The following PLCB1 variants were observed in gnomAD, a reference collection of about 807,000 sequenced individuals.
The protein encoded by PLCB1 is phospholipase C beta 1.
A neutral mutation model predicts 161.8 loss-of-function variants in PLCB1; 46 were observed. The observed-to-expected ratio is 0.28, with a 90% CI of 0.22 to 0.36. PLCB1 has a LOEUF of 0.36. PLCB1 is among the 10% of genes least tolerant of loss of function. PLCB1 has a pLI of 1.00. For synonymous variants in PLCB1, 517 were observed against 503.7 expected (o/e 1.03, Z -0.35); for missense variants, 1,016 against 1,472.5 (o/e 0.69, Z 5.07).
intron 2 of PLCB1, among the ~76,000 whole-genome samples, chr20:8,337,208 T>C (rs998739435): frequency 2.6e-4 from 39 of 152,354 alleles, no homozygotes; most frequent in Admixed American, 2.3e-3. Context: ...TGTAGACTTA[T>C]GGAATAGGCA....
chr20:8,613,516 C>T (rs963481438), intron 3 of PLCB1, among the ~76,000 whole-genome samples: 3 of 152,110 alleles, frequency 2.0e-5, no homozygotes, highest in African/African-American at 4.8e-5. Context: ...TAGGTGGCTC[C>T]CTTCTGTGCT....
At chr20:8,223,668 C>T (rs1460936307) in intron 2 of PLCB1, among the ~76,000 whole-genome samples, 5 of 152,000 alleles carry the variant, frequency 3.3e-5, no homozygotes. Flanking sequence ...AACATCTATC[C>T]AAATACTTGT....
intron 16 of PLCB1, among the ~76,000 whole-genome samples, chr20:8,725,778 C>T (rs1050894609): frequency 6.6e-6 from 1 of 152,062 alleles, no homozygotes; most frequent in African/African-American, 2.4e-5. Flanking sequence ...AGTTCCAAGA[C>T]AAGTAGCCAA....
In PLCB1 at chr20:8,370,182, C is replaced by T. The variant is rs552168238; in HGVS notation, c.178-1200C>T. 1.7e-4 allele frequency among the ~76,000 whole-genome samples: 26 copies of T among 152,320 alleles called. 3 individuals carry two copies. The East Asian group carries it at 5.0e-3, about 29-fold the overall frequency. On this transcript the variant is annotated intron_variant, in intron 2 of 31. Coordinates refer to ENST00000338037, the MANE Select transcript of PLCB1 (RefSeq NM_015192.4). ...ATCTGGAGTCACTTTAAGACAACTG[C>T]TCACTGCACCACAGTCCTACCTGGC...
chr20:8,316,563 G>C (rs1223346367), intron 2 of PLCB1, among the ~76,000 whole-genome samples: 1 of 152,142 alleles, frequency 6.6e-6, no homozygotes, highest in Non-Finnish European at 1.5e-5. Context: ...TATGGCAACT[G>C]TAACACAGCC....
At chr20:8,807,289 G>A (rs1015698071) in intron 31 of PLCB1, among the ~76,000 whole-genome samples, 1 of 152,140 alleles carries the variant, frequency 6.6e-6, no homozygotes, top group Non-Finnish European at 1.5e-5. Flanking sequence ...CTTATAGAAC[G>A]ATGGTGCAGA....
intron 31 of PLCB1, among the ~76,000 whole-genome samples, chr20:8,864,090 A>C (rs891167325): frequency 1.3e-5 from 2 of 152,210 alleles, no homozygotes; most frequent in Non-Finnish European, 2.9e-5. Flanking sequence ...TTTTCAAAAA[A>C]CAATTCAGAG....
chr20:8,330,310 G>T (rs902249868), intron 2 of PLCB1, among the ~76,000 whole-genome samples: 3 of 152,184 alleles, frequency 2.0e-5, no homozygotes, highest in African/African-American at 7.2e-5. Context: ...TCAGAGAGAG[G>T]TTAAGCAACT....
chr20:8,802,221 G>T, intron 31 of PLCB1: 1 of 956,856 alleles, frequency 1.0e-6, no homozygotes, highest in South Asian at 1.4e-5. Context: ...GTGGTGTGTA[G>T]CCATCCAGTT....
At chr20:8,490,329 T>C (rs900694038) in intron 3 of PLCB1, among the ~76,000 whole-genome samples, 1 of 152,236 alleles carries the variant, frequency 6.6e-6, no homozygotes, top group African/African-American at 2.4e-5. Flanking sequence ...TGACCCATAA[T>C]GGACATTGTG....
At chr20:8,165,330 C>T (rs1600210458) in intron 2 of PLCB1, among the ~76,000 whole-genome samples, 1 of 152,142 alleles carries the variant, frequency 6.6e-6, no homozygotes, top group African/African-American at 2.4e-5. Context: ...GACATTGTGC[C>T]AAGGTACCTT....
intron 3 of PLCB1, among the ~76,000 whole-genome samples, chr20:8,547,561 A>G (rs1238165777): frequency 2.6e-5 from 2 of 76,958 alleles, no homozygotes; most frequent in Non-Finnish European, 3.8e-5. Context: ...AACCCGTTCT[A>G]TGTTCTGAAA....
chr20:8,791,622 T>C (rs539934157), intron 31 of PLCB1, among the ~76,000 whole-genome samples: 1 of 152,224 alleles, frequency 6.6e-6, no homozygotes, highest in South Asian at 2.1e-4. Flanking sequence ...GGTAATATGG[T>C]TCTTTTCAGA....
chr20:8,488,490 A>G (rs1982819269), intron 3 of PLCB1, among the ~76,000 whole-genome samples: 1 of 152,166 alleles, frequency 6.6e-6, no homozygotes, highest in Non-Finnish European at 1.5e-5. Flanking sequence ...CCAGCTAACA[A>G]TATCGAATAT....
At chr20:8,549,948 A>C (rs972227209) in intron 3 of PLCB1, among the ~76,000 whole-genome samples, 2 of 151,892 alleles carry the variant, frequency 1.3e-5, no homozygotes, top group Non-Finnish European at 2.9e-5. Flanking sequence ...TGAAGAGGTG[A>C]CTTCTGCCAT....
intron 31 of PLCB1, among the ~76,000 whole-genome samples, chr20:8,858,934 T>C (rs1294235256): frequency 8.0e-6 from 1 of 125,430 alleles, no homozygotes; most frequent in Non-Finnish European, 1.7e-5. Context: ...AAAAAAAAAT[T>C]AGAGTAGTGG....
intron 3 of PLCB1, among the ~76,000 whole-genome samples, chr20:8,532,128 T>A (rs545090676): frequency 6.6e-6 from 1 of 152,302 alleles, no homozygotes; most frequent in East Asian, 1.9e-4. Flanking sequence ...GTGTCTTATT[T>A]GCCAGTCTAA....
chr20:8,147,516 G>A (rs73605826), intron 1 of PLCB1, among the ~76,000 whole-genome samples: 8,801 of 152,240 alleles, frequency 0.058, 832 homozygotes, highest in African/African-American at 0.2. Flanking sequence ...GGGTTGAGTG[G>A]CTACTTTGGT....
At chr20:8,523,441 C>G (rs769007490) in intron 3 of PLCB1, among the ~76,000 whole-genome samples, 1 of 109,312 alleles carries the variant, frequency 9.1e-6, no homozygotes, top group Admixed American at 1.1e-4. Flanking sequence ...TGGAGAGAGA[C>G]GACAACAAAT....
Sources: allele counts gnomAD v4.1 joint callset (sites outside exome capture counted in the v4.1 genomes callset), GRCh38; gene constraint gnomAD v4.1.1; transcripts MANE v1.5; gene names NCBI Gene and HGNC (gene_info 2026-07-23, HGNC 2026-07-21).